RANBP17: variants seen among roughly 807,000 people sequenced by gnomAD.
RANBP17 encodes RAN binding protein 17.
Under a neutral mutation model 141.2 loss-of-function variants are expected in RANBP17, and 158 were observed. The observed-to-expected ratio is 1.12, with a 90% CI of 0.98 to 1.28. The LOEUF is 1.28. Among genes scored for constraint, RANBP17 ranks in the 50% most tolerant of loss-of-function variants. The pLI is 0.00. For missense variants in RANBP17, 1,438 were observed against 1,290.7 expected, an observed-to-expected ratio of 1.11 and a Z score of -1.75; for synonymous variants, 430 against 450.0, an observed-to-expected ratio of 0.96 and a Z score of 0.56.
intron 13 of RANBP17, among the ~76,000 whole-genome samples, chr5:170,958,250 T>G (rs1306402352): frequency 6.6e-6 from 1 of 152,204 alleles, no homozygotes; most frequent in African/African-American, 2.4e-5. Flanking sequence ...TTATGTTTCC[T>G]GGCCTCTTTG....
At chr5:170,923,052 G>GT (rs1292069219) in intron 11 of RANBP17, among the ~76,000 whole-genome samples, 2 of 152,060 alleles carry the variant, frequency 1.3e-5, no homozygotes, top group Admixed American at 6.6e-5. Flanking sequence ...TATGTATTAT[G>GT]TTTTTGTTGT....
intron 14 of RANBP17, among the ~76,000 whole-genome samples, chr5:171,089,980 T>C (rs1786105833): frequency 6.6e-6 from 1 of 152,230 alleles, no homozygotes; most frequent in African/African-American, 2.4e-5. Context: ...TCTTCGTGGT[T>C]ATGTCTTTAT....
chr5:170,886,084 T>C (rs1581053227), intron 3 of RANBP17, among the ~76,000 whole-genome samples: 1 of 152,152 alleles, frequency 6.6e-6, no homozygotes, highest in African/African-American at 2.4e-5. Flanking sequence ...ATGTTCTCTC[T>C]GTGGGGGTTC....
intron 25 of RANBP17, among the ~76,000 whole-genome samples, chr5:171,270,115 C>T (rs1479739330): frequency 6.6e-6 from 1 of 152,306 alleles, no homozygotes; most frequent in East Asian, 1.9e-4. Flanking sequence ...AACATCCTTA[C>T]AGGCCTTTCC....
intron 16 of RANBP17, among the ~76,000 whole-genome samples, chr5:171,172,041 G>A (rs1409543219): frequency 2.0e-5 from 3 of 151,916 alleles, no homozygotes; most frequent in Non-Finnish European, 4.4e-5. Flanking sequence ...AAAGATAAGT[G>A]TTGGATTAAT....
intron 14 of RANBP17, among the ~76,000 whole-genome samples, chr5:170,981,744 G>A (rs1216985775): frequency 6.6e-6 from 1 of 152,038 alleles, no homozygotes; most frequent in African/African-American, 2.4e-5. Flanking sequence ...AGTATGTTAG[G>A]AGACTTGAAA....
rs988118969 is a variant in RANBP17, at chr5:171,160,813, A to G, written c.1711-9317A>G. Among the ~76,000 whole-genome samples the G allele has an allele frequency of 4.6e-5, 7 of 151,980 alleles. No individual in the cohort carries two copies. In the East Asian group the frequency reaches 1.4e-3, roughly 29 times the overall value. ...GATTCTTTTTGGTTTTTTTTTTGAGATGAAGTCTCACTCTTGTCGCCCAGG... is the reference window on the plus strand; with the variant it reads ...GATTCTTTTTGGTTTTTTTTTTGAGGTGAAGTCTCACTCTTGTCGCCCAGG... On this transcript the variant is annotated intron_variant, in intron 14 of 27. Coordinates refer to ENST00000523189, the MANE Select transcript of RANBP17 (RefSeq NM_022897.5).
At chr5:170,921,772 G>A (rs1227499890) in intron 11 of RANBP17, among the ~76,000 whole-genome samples, 3 of 152,080 alleles carry the variant, frequency 2.0e-5, no homozygotes, top group Non-Finnish European at 4.4e-5. Flanking sequence ...GTTAGAATAT[G>A]CTCCTTTAGC....
intron 14 of RANBP17, among the ~76,000 whole-genome samples, chr5:170,978,088 A>G (rs1351474710): frequency 6.6e-6 from 1 of 152,146 alleles, no homozygotes; most frequent in Non-Finnish European, 1.5e-5. Flanking sequence ...TAAATGGCCA[A>G]TATGCATATA....
At chr5:171,251,939 G>A (rs1765595918) in intron 24 of RANBP17, 6 of 1,608,404 alleles carry the variant, frequency 3.7e-6, no homozygotes, top group Non-Finnish European at 5.1e-6. Flanking sequence ...GGATTAGTCA[G>A]TTTTGGGAAT....
intron 14 of RANBP17, among the ~76,000 whole-genome samples, chr5:171,101,231 T>G (rs893501760): frequency 5.9e-5 from 9 of 152,204 alleles, no homozygotes; most frequent in African/African-American, 2.2e-4. Context: ...TGTGGGAGTC[T>G]AAGTCTCTTT....
chr5:170,917,555 A>G (rs1490605115), intron 9 of RANBP17, among the ~76,000 whole-genome samples: 2 of 151,318 alleles, frequency 1.3e-5, no homozygotes, highest in African/African-American at 4.9e-5. Context: ...GGGGGGTGAC[A>G]TATATCTTCA....
chr5:170,917,070 G>A (rs1369737900), intron 9 of RANBP17, among the ~76,000 whole-genome samples: 1 of 152,098 alleles, frequency 6.6e-6, no homozygotes, highest in Non-Finnish European at 1.5e-5. Context: ...ATGTTTCCAT[G>A]GCTGACTTCT....
At chr5:171,188,780 C>T (rs901274148) in intron 18 of RANBP17, among the ~76,000 whole-genome samples, 5 of 152,168 alleles carry the variant, frequency 3.3e-5, no homozygotes, top group Non-Finnish European at 7.4e-5. Context: ...ATAGCACTAT[C>T]GGAGCCTGCA....
intron 24 of RANBP17, among the ~76,000 whole-genome samples, chr5:171,258,749 T>G (rs1053072530): frequency 6.6e-6 from 1 of 152,036 alleles, no homozygotes; most frequent in African/African-American, 2.4e-5. Flanking sequence ...ATTAAAGACT[T>G]AAAGCCCAAA....
At chr5:170,958,268 G>C (rs1459994557) in intron 13 of RANBP17, among the ~76,000 whole-genome samples, 1 of 152,178 alleles carries the variant, frequency 6.6e-6, no homozygotes, top group African/African-American at 2.4e-5. Flanking sequence ...TTGAGGAGCT[G>C]CTGGGAAGAC....
At chr5:170,969,373 T>C (rs555226398) in intron 14 of RANBP17, among the ~76,000 whole-genome samples, 1 of 151,978 alleles carries the variant, frequency 6.6e-6, no homozygotes, top group South Asian at 2.1e-4. Context: ...AAAGAGTAGC[T>C]AGAAATAAAT....
intron 14 of RANBP17, among the ~76,000 whole-genome samples, chr5:171,031,007 T>C (rs566684745): frequency 1.8e-4 from 28 of 152,184 alleles, no homozygotes; most frequent in Non-Finnish European, 3.1e-4. Context: ...TAGACACATA[T>C]GTGAACTTTA....
intron 14 of RANBP17, among the ~76,000 whole-genome samples, chr5:170,975,018 G>T (rs529796946): frequency 6.6e-6 from 1 of 152,124 alleles, no homozygotes; most frequent in African/African-American, 2.4e-5. Context: ...ACACTTTCAG[G>T]GTCATTTTTT....
Sources: gnomAD v4.1 joint callset for allele counts (sites outside exome capture counted in the v4.1 genomes callset) on GRCh38, gnomAD v4.1.1 for gene constraint, MANE v1.5 for transcripts, NCBI Gene and HGNC (gene_info 2026-07-23, HGNC 2026-07-21) for gene names.